PREX1: variants seen among roughly 807,000 people sequenced by gnomAD.
PREX1 encodes the protein phosphatidylinositol-3,4,5-trisphosphate dependent Rac exchange factor 1, also known as phosphatidylinositol 3,4,5-trisphosphate-dependent Rac exchanger 1 protein.
Under a neutral mutation model 198.3 loss-of-function variants are expected in PREX1, and 41 were observed. The observed-to-expected ratio is 0.21, with a 90% CI of 0.16 to 0.27. PREX1 has a LOEUF of 0.27. Among genes scored for constraint, PREX1 ranks in the 10% least tolerant of loss-of-function variants. The pLI is 1.00. For missense variants in PREX1, 1,620 were observed against 2,200.7 expected (o/e 0.74, Z 5.28); for synonymous variants, 843 against 887.2 (o/e 0.95, Z 0.89).
intron 6 of PREX1, among the ~76,000 whole-genome samples, chr20:48,706,635 A>G (rs1354025108): frequency 6.6e-6 from 1 of 152,204 alleles, no homozygotes. Flanking sequence ...TGCCGCCTTC[A>G]TGGAAGCATG....
Position 48,732,499 on chromosome 20 carries a change from G to A in PREX1, c.519+2047C>T, listed in dbSNP as rs150912795. Among the ~76,000 whole-genome samples, 226 of 152,256 alleles carry A rather than the reference G, an allele frequency of 1.5e-3. 1 individual carries two copies. Among genetic ancestry groups the A allele is most frequent in the African/African-American group, 5.2e-3 (214 of 41,540 alleles). ...GTGCTGTTGGGAAAACAAACAGTAT[G>A]GGGGTGGAGAGACGTCTGTGACCGA... On this transcript the variant is annotated intron_variant, in intron 4 of 39. Coordinates refer to ENST00000371941, the MANE Select transcript of PREX1 (RefSeq NM_020820.4).
rs1417141764 is a variant in PREX1, at chr20:48,661,434, AAAAAAAAAAAATATATAT to A, written c.1739-1391_1739-1374del. Reference sequence around the variant, plus strand: ...AACTCCATCTCAAAAAAAAAAAAAAAAAAAAAAAAAATATATATATATATATATATATATACACACACA... The same window carrying A: ...AACTCCATCTCAAAAAAAAAAAAAAAATATATATATATATATACACACACA... On this transcript the variant is annotated intron_variant, in intron 15 of 39. Transcript: ENST00000371941. Among the ~76,000 whole-genome samples, 45 of 96,544 alleles carry A rather than the reference AAAAAAAAAAAATATATAT, an allele frequency of 4.7e-4. 3 individuals are homozygous for A. Among genetic ancestry groups the A allele is most frequent in the African/African-American group, 3.2e-3 (43 of 13,462 alleles). The allele number at this position is 96,544 out of a possible 152,430, so 63.3% of individuals were successfully genotyped here.
At chr20:48,673,013 G>C (rs1404906532) in intron 14 of PREX1, among the ~76,000 whole-genome samples, 1 of 147,754 alleles carries the variant, frequency 6.8e-6, no homozygotes, top group Non-Finnish European at 1.5e-5. Context: ...ATACACGGCA[G>C]GTGCTCAAAA....
intron 1 of PREX1, among the ~76,000 whole-genome samples, chr20:48,760,349 T>C (rs148777514): frequency 2.8e-4 from 43 of 152,172 alleles, no homozygotes; most frequent in African/African-American, 9.2e-4. Flanking sequence ...TCTATTATTA[T>C]AGACTGCCTG....
Position 48,671,827 on chromosome 20 carries a change from T to C in PREX1, c.1665+4366A>G, listed in dbSNP as rs76743439. Among the ~76,000 whole-genome samples the C allele has an allele frequency of 7.9e-5, 12 of 152,236 alleles. No individual in the cohort carries two copies. The East Asian group carries it at 1.5e-3, about 20-fold the overall frequency. ...CTTTCCAACCATCTCCTGGAAGTCA[T>C]CCTCCTGCGTCAGCTCCAGTTACCC... On this transcript the variant is annotated intron_variant, in intron 14 of 39. Coordinates refer to ENST00000371941, the MANE Select transcript of PREX1 (RefSeq NM_020820.4).
chr20:48,855,456 C>T, the PREX1 span, among the ~76,000 whole-genome samples: 2 of 152,080 alleles, frequency 1.3e-5, no homozygotes, highest in African/African-American at 2.4e-5. Flanking sequence ...CTTCCACATC[C>T]CTGGGAGACT....
chr20:48,681,115 C>T (rs945797500), intron 11 of PREX1, 120 bp downstream of exon 11: 65 of 878,960 alleles, frequency 7.4e-5, no homozygotes, highest in Non-Finnish European at 1.1e-4. Context: ...CACACTGTGC[C>T]CAGAAAACAC....
intron 3 of PREX1, among the ~76,000 whole-genome samples, chr20:48,736,142 C>G (rs2090056233): frequency 6.6e-6 from 1 of 152,106 alleles, no homozygotes; most frequent in Non-Finnish European, 1.5e-5. Flanking sequence ...CGGTGTCTGG[C>G]ACACAATACT....
At chr20:48,741,193 C>T (rs186034171) in intron 3 of PREX1, among the ~76,000 whole-genome samples, 29 of 152,222 alleles carry the variant, frequency 1.9e-4, no homozygotes, top group African/African-American at 6.3e-4. Flanking sequence ...ACAAACTTAG[C>T]GTGTGAGCTG....
At chr20:48,782,306 A>G (rs969977281) in intron 1 of PREX1, among the ~76,000 whole-genome samples, 24 of 152,134 alleles carry the variant, frequency 1.6e-4, no homozygotes, top group Non-Finnish European at 3.2e-4. Flanking sequence ...GTGGTATTGA[A>G]TAAGTCTTAC....
the PREX1 span, among the ~76,000 whole-genome samples, chr20:48,855,122 A>G: frequency 6.6e-6 from 1 of 152,292 alleles, no homozygotes; most frequent in East Asian, 1.9e-4. Flanking sequence ...AGGTATAAAA[A>G]ATAGCTAGAA....
rs1179417325 is a variant in PREX1 at position 48,700,793 on chromosome 20, G to A, written c.877C>T (p.Leu293Phe). ...CAGTAGACGAGAAGGTTGTCGAAGAGGAAGAAGGCCCTTTCCTGGATGTTG... is the reference window on the plus strand; with the variant it reads ...CAGTAGACGAGAAGGTTGTCGAAGAAGAAGAAGGCCCTTTCCTGGATGTTG... Reference protein sequence around the residue: ...AGNIQERAFFLFDNLLVYCKR... With the variant: ...AGNIQERAFFFFDNLLVYCKR... The change falls in exon 7 of 40, where the codon CTC (leucine) becomes TTC (phenylalanine). Residue 293 changes from leucine to phenylalanine, a missense_variant. Transcript: ENST00000371941. The A allele has an allele frequency of 6.2e-7, 1 of 1,613,934 alleles. No individual in the cohort carries two copies. Among genetic ancestry groups the A allele is most frequent in the Non-Finnish European group, 8.5e-7 (1 of 1,180,048 alleles).
intron 25 of PREX1, among the ~76,000 whole-genome samples, chr20:48,646,971 T>G (rs73142104): frequency 0.16 from 23,919 of 152,306 alleles, 2,213 homozygotes; most frequent in Middle Eastern, 0.29. Context: ...CTAGGCCCAG[T>G]GGCTCACGCC....
rs1487745570 is a variant in PREX1, at chr20:48,676,189, T to C, written c.1665+4A>G. ...TGGTCACACACCCCTGAGGAGGCCCTCACCTGAGCCAGCAGCCAGTCCACC... is the reference window on the plus strand; with the variant it reads ...TGGTCACACACCCCTGAGGAGGCCCCCACCTGAGCCAGCAGCCAGTCCACC... On this transcript the variant is annotated splice_donor_region_variant and intron_variant, in intron 14 of 39. Transcript: ENST00000371941. 3 of 1,613,398 alleles carry C rather than the reference T, an allele frequency of 1.9e-6. No homozygotes were observed. Among genetic ancestry groups the C allele is most frequent in the East Asian group, 2.2e-5 (1 of 44,864 alleles).
intron 4 of PREX1, among the ~76,000 whole-genome samples, chr20:48,732,064 A>C (rs2090036923): frequency 1.3e-5 from 2 of 152,292 alleles, no homozygotes; most frequent in South Asian, 4.1e-4. Context: ...AGACATGGCC[A>C]TTTCTGTCCA....
the PREX1 span, among the ~76,000 whole-genome samples, chr20:48,858,481 A>G: frequency 4.1e-4 from 63 of 152,218 alleles, no homozygotes; most frequent in Non-Finnish European, 6.3e-4. Flanking sequence ...GATGGGGAAA[A>G]GGAGAGAACA....
chr20:48,770,634 T>C (rs915767352), intron 1 of PREX1, among the ~76,000 whole-genome samples: 2 of 152,006 alleles, frequency 1.3e-5, no homozygotes, highest in African/African-American at 4.8e-5. Flanking sequence ...CACTTAAACC[T>C]GGGATGCAGA....
At chr20:48,727,611 G>T (rs1308781240) in intron 4 of PREX1, among the ~76,000 whole-genome samples, 1 of 152,000 alleles carries the variant, frequency 6.6e-6, no homozygotes, top group Non-Finnish European at 1.5e-5. Context: ...GATCCCTGGG[G>T]TGTGAGAGGT....
chr20:48,710,890 A>G (rs2089927562), intron 5 of PREX1, among the ~76,000 whole-genome samples: 1 of 152,222 alleles, frequency 6.6e-6, no homozygotes, highest in African/African-American at 2.4e-5. Context: ...GCAGCAGAGC[A>G]AGTGAGCGAG....
Sources: gnomAD v4.1 joint callset for allele counts (sites outside exome capture counted in the v4.1 genomes callset) on GRCh38, gnomAD v4.1.1 for gene constraint, MANE v1.5 for transcripts, NCBI Gene and HGNC (gene_info 2026-07-23, HGNC 2026-07-21) for gene names.